The following PIPOX variants were observed in gnomAD, a reference collection of about 807,000 sequenced individuals.
PIPOX encodes the protein peroxisomal sarcosine oxidase.
PIPOX carries 45 observed loss-of-function variants against 47.9 expected under a neutral mutation model. That is an observed-to-expected ratio of 0.94 (90% confidence interval 0.74 to 1.20). The LOEUF (loss-of-function observed/expected upper bound fraction) is 1.20, where lower values mean the gene tolerates loss of function less well. Among genes scored for constraint, PIPOX ranks in the 50% most tolerant of loss-of-function variants. The probability of loss-of-function intolerance (pLI) is 0.00; values close to 1 mark genes in which losing one functional copy is unlikely to be tolerated. For synonymous variants in PIPOX, 165 were observed against 191.3 expected, an observed-to-expected ratio of 0.86 and a Z score of 1.13; for missense variants, 458 against 498.4, an observed-to-expected ratio of 0.92 and a Z score of 0.77.
intron 7 of PIPOX, 43 bp from the exon 8 acceptor site, chr17:29,056,130 CCT>C (rs1307965879): frequency 6.2e-7 from 1 of 1,611,282 alleles, no homozygotes; most frequent in African/African-American, 1.3e-5. Context: ...GAGAGCTCAA[CCT>C]CTGTCTGTGA....
chr17:29,055,033 A>T, intron 5 of PIPOX, 30 bp from the exon 6 acceptor site: 2 of 1,613,652 alleles, frequency 1.2e-6, no homozygotes, highest in Non-Finnish European at 1.7e-6. Flanking sequence ...GCCAGCCCTC[A>T]CCACTCATGC....
chr17:29,046,785 G>T (rs1235661934), intron 2 of PIPOX: 1 of 982,634 alleles, frequency 1.0e-6, no homozygotes, highest in African/African-American at 1.7e-5. Flanking sequence ...AACTGGACCT[G>T]GCTCTAAATC....
intron 5 of PIPOX, 150 bp downstream of exon 5, chr17:29,054,841 G>A: frequency 9.1e-7 from 1 of 1,104,368 alleles, no homozygotes. Flanking sequence ...AAGACCCTCA[G>A]CTGCCCTGAG....
Position 29,043,202 on chromosome 17 carries a change from G to A in PIPOX, c.-24G>A. On this transcript the variant is annotated 5_prime_UTR_variant, in exon 1 of 8. In the 5' UTR this introduces an upstream ATG that the reference lacks. Coordinates refer to ENST00000323372, the MANE Select transcript of PIPOX (RefSeq NM_016518.3). ...TGCTTGCCTTTGCCTTTGAGGCTCT[G>A]TGGCTGTGGGGCTGAGTGGCATCAT... The A allele has an allele frequency of 6.3e-7, 1 of 1,576,704 alleles. No homozygotes were observed. The highest frequency in any genetic ancestry group is 1.1e-5 in the South Asian group (1 of 89,440).
At chr17:29,055,745 T>G in intron 6 of PIPOX, 68 bp from the exon 7 acceptor site, 1 of 1,303,022 alleles carries the variant, frequency 7.7e-7, no homozygotes, top group South Asian at 1.2e-5. Context: ...CCCCTTCCAG[T>G]TAGAGCCTGC....
intron 2 of PIPOX, 92 bp from the exon 3 acceptor site, chr17:29,052,828 C>A (rs2065811264): frequency 7.4e-6 from 8 of 1,077,570 alleles, no homozygotes; most frequent in Non-Finnish European, 1.1e-5. Flanking sequence ...CTGCCTCAGC[C>A]TCCTGAAGTG....
chr17:29,054,626 T>G lies in PIPOX; in HGVS notation c.742T>G (p.Trp248Gly). Residue 248 changes from tryptophan to glycine, a missense_variant, in exon 5 of 8, where the codon TGG becomes GGG. By Grantham distance (184) the Trp-to-Gly change is radical (BLOSUM62 -2). Coordinates refer to ENST00000323372, the MANE Select transcript of PIPOX (RefSeq NM_016518.3). ...GVSQAFPCFL[W>G]LGLCPHHIYG... is the part of the protein sequence containing the mutation. ...GTCCCAGGCCTTTCCGTGCTTCCTG[T>G]GGCTGGGCTTGTGTCCCCACCACAT... 6.2e-7 allele frequency: 1 copy of G among 1,614,198 alleles called. No individual in the cohort carries two copies. The highest frequency in any genetic ancestry group is 1.1e-5 in the South Asian group (1 of 91,080).
rs763783220 is a variant in PIPOX at position 29,044,911 on chromosome 17, G to A, written c.167G>A (p.Arg56Gln). Residue 56 changes from arginine (R) to glutamine (Q), a missense_variant, in exon 2 of 8, where the codon CGA becomes CAA. Arg to Gln is a conservative substitution (Grantham distance 43). Coordinates refer to ENST00000323372, the MANE Select transcript of PIPOX (RefSeq NM_016518.3). ...GSSHGQSRII[R>Q]KAYLEDFYTR... Reference sequence around the variant, plus strand: ...TCCCATGGACAAAGCCGGATAATCCGAAAGGCGTACCTGGAAGACTTTTAC... The same window carrying A: ...TCCCATGGACAAAGCCGGATAATCCAAAAGGCGTACCTGGAAGACTTTTAC... 51 of 1,614,002 alleles carry A rather than the reference G, an allele frequency of 3.2e-5. No individual in the cohort carries two copies. Among genetic ancestry groups the A allele is most frequent in the Non-Finnish European group, 4.2e-5 (50 of 1,180,016 alleles).
chr17:29,045,403 CTTTTTTTTTTTTTTT>C lies in PIPOX; in HGVS notation c.263+410_263+424del, dbSNP rs57047541. On this transcript the variant is annotated intron_variant, in intron 2 of 7. Transcript: ENST00000323372. ...GGAGGAGGCTGCTTTCAGGAGGATT[CTTTTTTTTTTTTTTT>C]TTTTTTTTTTTTTGACAGAGTCTCG... Among the ~76,000 whole-genome samples the C allele has an allele frequency of 1.8e-4, 9 of 50,980 alleles. 1 individual carries two copies. The South Asian group carries it at 5.0e-3, about 28-fold the overall frequency. 33.4% of individuals were successfully genotyped at this position (50,980 alleles called of 152,430 possible). A position where few individuals can be genotyped will look rare whatever the true frequency, so the allele number is the denominator to read the frequency against.
At chr17:29,050,597 G>A (rs183198477) in intron 2 of PIPOX, among the ~76,000 whole-genome samples, 35 of 152,280 alleles carry the variant, frequency 2.3e-4, no homozygotes, top group Admixed American at 8.5e-4. Context: ...CAAATATTTG[G>A]GAGGCCAAGG....
At chr17:29,051,374 G>A (rs1421094714) in intron 2 of PIPOX, among the ~76,000 whole-genome samples, 2 of 152,158 alleles carry the variant, frequency 1.3e-5, no homozygotes, top group Non-Finnish European at 2.9e-5. Context: ...CAGGGCCCAC[G>A]GTGTCCCTAC....
rs202125336 is a variant in PIPOX at position 29,043,294 on chromosome 17, A to G, written c.69A>G (p.Ala23=). 41 of 1,613,894 alleles carry G rather than the reference A, an allele frequency of 2.5e-5. No individual in the cohort carries two copies. The African/African-American group carries it at 4.0e-4, about 16-fold the overall frequency. The change falls in exon 1 of 8, where the codon GCA becomes GCG. Residue 23 remains alanine (A), a synonymous_variant. Coordinates refer to ENST00000323372, the MANE Select transcript of PIPOX (RefSeq NM_016518.3). ...CGGGGATCCAGGGCTGCTTCACTGC[A>G]TACCACCTGGCCAAACACAGGAAGA... The part of the protein sequence containing the change: ...IGAGIQGCFT[A]YHLAKHRKRI...
chr17:29,045,036 G>A (rs529274412), intron 2 of PIPOX, 29 bp downstream of exon 2: 9 of 1,568,342 alleles, frequency 5.7e-6, no homozygotes, highest in South Asian at 2.4e-5. Context: ...TCCTTGAATC[G>A]TGGGGCTCTG....
chr17:29,047,115 C>T lies in PIPOX; in HGVS notation c.263+2108C>T, dbSNP rs186590340. 5.8e-3 allele frequency among the ~76,000 whole-genome samples: 886 copies of T among 152,112 alleles called. 5 individuals are homozygous for T. The highest frequency in any genetic ancestry group is 9.4e-3 in the Non-Finnish European group (641 of 67,980). On this transcript the variant is annotated intron_variant, in intron 2 of 7. Transcript: ENST00000323372. ...CAGCCTGGCCAACATGGTGAAACCC[C>T]GCCTCTACTAAAAATACAAAAAGTA...
At chr17:29,048,027 T>C (rs983859898) in intron 2 of PIPOX, among the ~76,000 whole-genome samples, 2 of 152,200 alleles carry the variant, frequency 1.3e-5, no homozygotes, top group African/African-American at 4.8e-5. Flanking sequence ...CTTACTACTA[T>C]TGTTATTATT....
chr17:29,055,913 G>C, intron 7 of PIPOX, 25 bp downstream of exon 7: 1 of 1,605,148 alleles, frequency 6.2e-7, no homozygotes, highest in Non-Finnish European at 8.5e-7. Context: ...GGGGGAATGG[G>C]GTGCCTTAAA....
chr17:29,053,612 G>A lies in PIPOX; in HGVS notation c.660+17G>A. 2.6e-6 allele frequency: 4 copies of A among 1,557,794 alleles called. No individual in the cohort carries two copies. The South Asian group carries it at 3.5e-5, about 14-fold the overall frequency. On this transcript the variant is annotated intron_variant, in intron 4 of 7. Transcript: ENST00000323372. The stretch of plus-strand genomic sequence containing the variant: ...CCTCTCCAGGTAAGAGGAGCTGGAA[G>A]CCCGAGAGTTGGTGCTCAAGAGAAG...
At chr17:29,046,653 C>T (rs2152698251) in intron 2 of PIPOX, 1 of 985,432 alleles carries the variant, frequency 1.0e-6, no homozygotes, top group African/African-American at 1.7e-5. Flanking sequence ...ATGGGTGCAA[C>T]AACCACAGAT....
chr17:29,043,481 T>A, intron 1 of PIPOX, 142 bp downstream of exon 1: 1 of 573,580 alleles, frequency 1.7e-6, no homozygotes, highest in Non-Finnish European at 3.1e-6. Flanking sequence ...GTATCTTAGC[T>A]GCCTAGTGTG....
Sources: allele counts gnomAD v4.1 joint callset (sites outside exome capture counted in the v4.1 genomes callset), GRCh38; gene constraint gnomAD v4.1.1; transcripts MANE v1.5; gene names NCBI Gene and HGNC (gene_info 2026-07-23, HGNC 2026-07-21).